DNAH7: variants seen among roughly 807,000 people sequenced by gnomAD.
DNAH7 encodes dynein axonemal heavy chain 7, also known as axonemal beta dynein heavy chain 7.
In DNAH7, 397 loss-of-function variants were observed where a neutral mutation model predicts 444.6. The ratio of observed to expected loss-of-function variants is 0.89; its 90% CI spans 0.82 to 0.97. DNAH7 has a LOEUF of 0.97. Ranked by LOEUF, DNAH7 falls within the 50% of genes least tolerant of loss-of-function variation. The pLI, the probability that DNAH7 is intolerant of heterozygous loss-of-function variation, is 0.00. For synonymous variants in DNAH7, 1,636 were observed against 1,624.4 expected, an observed-to-expected ratio of 1.01 and a Z score of -0.17; for missense variants, 4,902 against 4,800.8, an observed-to-expected ratio of 1.02 and a Z score of -0.62.
At chr2:195,833,258 G>A (rs1306161345) in intron 48 of DNAH7, among the ~76,000 whole-genome samples, 7 of 152,092 alleles carry the variant, frequency 4.6e-5, no homozygotes, top group African/African-American at 9.7e-5. Context: ...GAAATAACAC[G>A]TGTGCATGTG....
At chr2:195,765,067 C>A (rs540659840) in intron 61 of DNAH7, among the ~76,000 whole-genome samples, 23 of 152,114 alleles carry the variant, frequency 1.5e-4, no homozygotes, top group African/African-American at 5.5e-4. Flanking sequence ...GGAGAGAGAA[C>A]CTATAGATAA....
chr2:195,840,481 A>T (rs1046839367), intron 47 of DNAH7, among the ~76,000 whole-genome samples: 2 of 151,734 alleles, frequency 1.3e-5, no homozygotes, highest in Non-Finnish European at 3.0e-5. Flanking sequence ...GTTCATCATT[A>T]TACTAGAAGC....
At chr2:196,045,202 A>AAGG (rs140581136) in intron 5 of DNAH7, among the ~76,000 whole-genome samples, 6 of 145,324 alleles carry the variant, frequency 4.1e-5, no homozygotes, top group Non-Finnish European at 7.6e-5. Context: ...GGAGGAGGAA[A>AAGG]AGGAGGAGGA....
At chr2:195,843,800 T>C (rs1446505294) in intron 47 of DNAH7, among the ~76,000 whole-genome samples, 1 of 152,196 alleles carries the variant, frequency 6.6e-6, no homozygotes, top group African/African-American at 2.4e-5. Context: ...ATGATTTTCA[T>C]AAATACTATG....
intron 27 of DNAH7, chr2:195,902,607 C>T (rs554901052): frequency 1.3e-5 from 2 of 152,252 alleles, no homozygotes; most frequent in South Asian, 4.1e-4. Context: ...CCTTTGACCA[C>T]CCTAGTTACT....
intron 2 of DNAH7, among the ~76,000 whole-genome samples, chr2:196,054,384 G>A (rs984006181): frequency 3.9e-5 from 6 of 151,980 alleles, no homozygotes; most frequent in African/African-American, 1.2e-4. Flanking sequence ...AAATAACCTG[G>A]GTATGGTGGT....
intron 48 of DNAH7, among the ~76,000 whole-genome samples, chr2:195,830,269 T>C (rs1034910679): frequency 1.3e-5 from 2 of 152,206 alleles, no homozygotes; most frequent in Non-Finnish European, 2.9e-5. Flanking sequence ...CACTAATACT[T>C]TTGAGTAAGG....
chr2:195,984,801 A>G, intron 14 of DNAH7, 91 bp from the exon 15 acceptor site: 1 of 1,190,888 alleles, frequency 8.4e-7, no homozygotes, highest in Non-Finnish European at 1.2e-6. Context: ...ATTCCATTGC[A>G]TGAAAAATAA....
intron 21 of DNAH7, among the ~76,000 whole-genome samples, chr2:195,933,108 G>T (rs1235581557): frequency 6.6e-6 from 1 of 152,098 alleles, no homozygotes; most frequent in African/African-American, 2.4e-5. Flanking sequence ...GCTGTTATTG[G>T]TCTATTCAGA....
In DNAH7 at chr2:196,058,035, T is replaced by C. The variant is rs368211969; in HGVS notation, c.78+19A>G. ...ATTATCATAAAGGAATGAAGTATGA[T>C]GGTATATTGGTAAATTACCATAGAC... On this transcript the variant is annotated intron_variant, in intron 2 of 64. Transcript: ENST00000312428. 7.0e-5 allele frequency: 104 copies of C among 1,477,130 alleles called. No homozygotes were observed. Among genetic ancestry groups the C allele is most frequent in the Non-Finnish European group, 8.8e-5 (98 of 1,108,320 alleles). The allele number at this position is 1,477,130 out of a possible 1,614,324, so 91.5% of individuals were successfully genotyped here. A position where few individuals can be genotyped will look rare whatever the true frequency, so the allele number is the denominator to read the frequency against.
intron 1 of DNAH7, among the ~76,000 whole-genome samples, chr2:196,060,283 C>T (rs1282567976): frequency 6.6e-6 from 1 of 152,152 alleles, no homozygotes; most frequent in African/African-American, 2.4e-5. Flanking sequence ...AGAGAGATGG[C>T]TTGGAGCAGA....
intron 42 of DNAH7, among the ~76,000 whole-genome samples, chr2:195,860,158 A>T (rs756342225): frequency 3.3e-5 from 5 of 152,168 alleles, no homozygotes; most frequent in Non-Finnish European, 5.9e-5. Context: ...TGTAAGTTTG[A>T]ACTTATAACT....
intron 19 of DNAH7, among the ~76,000 whole-genome samples, chr2:195,937,091 A>T (rs1307208384): frequency 6.6e-6 from 1 of 152,160 alleles, no homozygotes; most frequent in Non-Finnish European, 1.5e-5. Context: ...CACAAGAAGG[A>T]CAGTGGAAAC....
Position 196,026,759 on chromosome 2 carries a change from C to A in DNAH7, c.667+1G>T. 6.3e-7 allele frequency: 1 copy of A among 1,597,564 alleles called. No homozygotes were observed. Among genetic ancestry groups the A allele is most frequent in the South Asian group, 1.1e-5 (1 of 89,448 alleles). ...AAAATCAAAGCATAATACCAATTTA[C>A]CTATGGATTTCCTTACACTAAGAAG... On this transcript the variant is annotated splice_donor_variant, in intron 7 of 64. Transcript: ENST00000312428. LOFTEE classifies it high-confidence loss of function.
At chr2:195,813,818 G>T (rs1324914248) in intron 51 of DNAH7, among the ~76,000 whole-genome samples, 1 of 152,156 alleles carries the variant, frequency 6.6e-6, no homozygotes, top group Non-Finnish European at 1.5e-5. Context: ...GTTGGGAAAA[G>T]ATGTAGTTTT....
At chr2:196,005,274 C>T (rs182652555) in intron 10 of DNAH7, among the ~76,000 whole-genome samples, 2,353 of 144,322 alleles carry the variant, frequency 0.016, 42 homozygotes, top group Middle Eastern at 0.028. Context: ...ACTCCATCTC[C>T]AAAACAAACA....
intron 51 of DNAH7, among the ~76,000 whole-genome samples, chr2:195,816,075 T>C (rs574623398): frequency 2.0e-4 from 31 of 152,334 alleles, no homozygotes; most frequent in Non-Finnish European, 3.2e-4. Flanking sequence ...AAATGAAATT[T>C]AATTCTCTTG....
intron 3 of DNAH7, among the ~76,000 whole-genome samples, chr2:196,048,987 C>G (rs1031858299): frequency 1.3e-5 from 2 of 152,172 alleles, no homozygotes; most frequent in Non-Finnish European, 2.9e-5. Flanking sequence ...CCTTCATCTT[C>G]TAAAAACGCA....
chr2:195,954,490 A>C (rs1195913184), intron 19 of DNAH7, among the ~76,000 whole-genome samples: 1 of 152,200 alleles, frequency 6.6e-6, no homozygotes, highest in Non-Finnish European at 1.5e-5. Context: ...ATAAACATAC[A>C]TATGCATGTG....
Sources: gnomAD v4.1 joint callset for allele counts (sites outside exome capture counted in the v4.1 genomes callset) on GRCh38, gnomAD v4.1.1 for gene constraint, MANE v1.5 for transcripts, NCBI Gene and HGNC (gene_info 2026-07-23, HGNC 2026-07-21) for gene names.